Variants in WDR41 observed in about 807,000 individuals in gnomAD.
WDR41 encodes the protein WD repeat-containing protein 41.
Under a neutral mutation model 69.3 loss-of-function variants are expected in WDR41, and 63 were observed. The observed-to-expected ratio is 0.91, with a 90% CI of 0.74 to 1.12. WDR41 has a LOEUF of 1.12. WDR41 is among the 50% of genes most tolerant of loss of function. The pLI, the probability that WDR41 is intolerant of heterozygous loss-of-function variation, is 0.00. For missense variants in WDR41, 543 were observed against 534.5 expected (o/e 1.02, Z -0.16); for synonymous variants, 185 against 192.1 (o/e 0.96, Z 0.31).
At chr5:77,460,455 C>A (rs1800005333) in intron 4 of WDR41, among the ~76,000 whole-genome samples, 1 of 152,146 alleles carries the variant, frequency 6.6e-6, no homozygotes, top group African/African-American at 2.4e-5. Flanking sequence ...TCACTATTCA[C>A]AAGCAGAACA....
intron 1 of WDR41, among the ~76,000 whole-genome samples, chr5:77,611,753 C>T (rs1422052582): frequency 6.6e-6 from 1 of 150,886 alleles, no homozygotes; most frequent in African/African-American, 2.4e-5. Flanking sequence ...AGAGCAAACA[C>T]ATTCAAAAGC....
upstream of WDR41, among the ~76,000 whole-genome samples, chr5:77,494,278 T>C (rs66485566): frequency 0.33 from 50,173 of 151,730 alleles, 8,331 homozygotes; most frequent in East Asian, 0.36. Flanking sequence ...CTATAAGGCA[T>C]ATAGAAAACA....
chr5:77,501,389 G>C (rs1802016156), intron 1 of WDR41, among the ~76,000 whole-genome samples: 1 of 152,244 alleles, frequency 6.6e-6, no homozygotes, highest in African/African-American at 2.4e-5. Context: ...GAACTGGGCA[G>C]AGCCCGCCGC....
intron 1 of WDR41, among the ~76,000 whole-genome samples, chr5:77,523,860 G>T (rs1802408945): frequency 6.6e-6 from 1 of 152,078 alleles, no homozygotes; most frequent in African/African-American, 2.4e-5. Context: ...CTAAGAAAAT[G>T]AGAAAGAAAA....
At chr5:77,502,624 G>C (rs1191895243) in intron 1 of WDR41, among the ~76,000 whole-genome samples, 1 of 152,178 alleles carries the variant, frequency 6.6e-6, no homozygotes, top group Non-Finnish European at 1.5e-5. Context: ...CAGAGAGAAA[G>C]GTCCAGTTAC....
intron 1 of WDR41, among the ~76,000 whole-genome samples, chr5:77,537,418 C>T (rs756988401): frequency 6.6e-6 from 1 of 152,174 alleles, no homozygotes; most frequent in Non-Finnish European, 1.5e-5. Context: ...AAACATGGCC[C>T]AGAGCCTTTA....
In WDR41 at chr5:77,463,102, G is replaced by C; in HGVS notation, c.341C>G (p.Thr114Arg). 6.2e-7 allele frequency: 1 copy of C among 1,611,506 alleles called. No individual in the cohort carries two copies. Among genetic ancestry groups the C allele is most frequent in the Non-Finnish European group, 8.5e-7 (1 of 1,178,948 alleles). The change falls in exon 4 of 13, where the codon ACA (threonine) becomes AGA (arginine). Residue 114 changes from threonine to arginine, a missense_variant. Coordinates refer to ENST00000296679, the MANE Select transcript of WDR41 (RefSeq NM_018268.4). ...TTCCAGATTAAAGGATACAATAACT[G>C]TTCTATCAGCAGAGGCTGTCAAGAT... ...QLILTASADR[T>R]VIVWDGDTTR... is the part of the protein sequence containing the mutation.
chr5:77,600,135 A>T (rs898650556), intron 1 of WDR41, among the ~76,000 whole-genome samples: 2 of 152,224 alleles, frequency 1.3e-5, no homozygotes, highest in South Asian at 4.1e-4. Context: ...TCATAGGTCA[A>T]ACATGGGTTT....
chr5:77,564,551 G>C (rs1475640974), intron 1 of WDR41, among the ~76,000 whole-genome samples: 3 of 152,094 alleles, frequency 2.0e-5, no homozygotes, highest in Non-Finnish European at 2.9e-5. Flanking sequence ...CGTTCTAAAT[G>C]ACCTAACTTC....
chr5:77,570,259 G>A (rs1469013206), intron 1 of WDR41, among the ~76,000 whole-genome samples: 1 of 151,148 alleles, frequency 6.6e-6, no homozygotes, highest in African/African-American at 2.4e-5. Flanking sequence ...TTTTCTTTAG[G>A]GGTGACTATT....
intron 1 of WDR41, among the ~76,000 whole-genome samples, chr5:77,545,090 C>T (rs1362330471): frequency 6.6e-6 from 1 of 151,992 alleles, no homozygotes; most frequent in East Asian, 1.9e-4. Context: ...AAAATGAAAT[C>T]AAAATGGAAA....
chr5:77,442,916 AT>A (rs993486441), intron 8 of WDR41, among the ~76,000 whole-genome samples: 2 of 141,334 alleles, frequency 1.4e-5, no homozygotes, highest in African/African-American at 2.7e-5. Flanking sequence ...AAAAAAAAGG[AT>A]TTTTTTCCAT....
At chr5:77,555,515 G>T (rs757628168) in intron 1 of WDR41, among the ~76,000 whole-genome samples, 6 of 152,072 alleles carry the variant, frequency 3.9e-5, no homozygotes, top group Admixed American at 6.5e-5. Flanking sequence ...TCGCTATGTT[G>T]TCCAGGCTGG....
chr5:77,544,888 G>A lies in WDR41; in HGVS notation c.43-55316C>T, dbSNP rs1055008203. On this transcript the variant is annotated intron_variant, in intron 1 of 5. Transcript: ENST00000509971. Reference sequence around the variant, plus strand: ...TATACATTCTATTCAATAGCGCATGGAACTTTCTCCAGGATACACCATATG... The same window carrying A: ...TATACATTCTATTCAATAGCGCATGAAACTTTCTCCAGGATACACCATATG... 3.9e-5 allele frequency among the ~76,000 whole-genome samples: 6 copies of A among 151,926 alleles called. No individual in the cohort carries two copies. In the East Asian group the frequency reaches 7.7e-4, roughly 20 times the overall value.
intron 12 of WDR41, among the ~76,000 whole-genome samples, chr5:77,433,879 AG>A (rs1180492633): frequency 1.3e-5 from 2 of 152,366 alleles, no homozygotes; most frequent in Non-Finnish European, 2.9e-5. Context: ...GCCCCAAGTA[AG>A]GGGAAGGGGC....
intron 1 of WDR41, among the ~76,000 whole-genome samples, chr5:77,558,885 TA>T (rs1296906552): frequency 1.5e-5 from 1 of 65,206 alleles, no homozygotes; most frequent in Non-Finnish European, 3.6e-5. Flanking sequence ...ATTGAAAAAA[TA>T]TTTTTTTTCT....
At chr5:77,510,634 C>T (rs1802183082) in intron 1 of WDR41, among the ~76,000 whole-genome samples, 1 of 151,962 alleles carries the variant, frequency 6.6e-6, no homozygotes, top group South Asian at 2.1e-4. Context: ...ATGAAGTTAG[C>T]AGGAGAAATA....
chr5:77,569,707 T>C (rs1488273531), intron 1 of WDR41, among the ~76,000 whole-genome samples: 2 of 152,194 alleles, frequency 1.3e-5, no homozygotes, highest in Non-Finnish European at 2.9e-5. Flanking sequence ...GGAATGTAAA[T>C]GTCGTATATA....
At chr5:77,595,306 G>C (rs924187712) in intron 1 of WDR41, among the ~76,000 whole-genome samples, 2 of 152,192 alleles carry the variant, frequency 1.3e-5, no homozygotes, top group Non-Finnish European at 2.9e-5. Flanking sequence ...ATATGGGGGA[G>C]AGTTGCCTCA....
Sources: gnomAD v4.1 joint callset for allele counts (sites outside exome capture counted in the v4.1 genomes callset) on GRCh38, gnomAD v4.1.1 for gene constraint, MANE v1.5 for transcripts, NCBI Gene and HGNC (gene_info 2026-07-23, HGNC 2026-07-21) for gene names.